The following ARHGAP10 variants were observed in gnomAD, a reference collection of about 807,000 sequenced individuals.
ARHGAP10 encodes the protein rho GTPase-activating protein 10.
A neutral mutation model predicts 108.6 loss-of-function variants in ARHGAP10; 87 were observed. That is an observed-to-expected ratio of 0.80 (90% CI 0.67 to 0.96). The LOEUF (loss-of-function observed/expected upper bound fraction) is 0.96. ARHGAP10 is among the 40% of genes least tolerant of loss of function. The pLI, the probability that ARHGAP10 is intolerant of heterozygous loss-of-function variation, is 0.00. For synonymous variants in ARHGAP10, 347 were observed against 341.1 expected (o/e 1.02, Z -0.19); for missense variants, 939 against 954.5 (o/e 0.98, Z 0.21).
At chr4:147,829,126 A>G (rs1276611416) in intron 3 of ARHGAP10, among the ~76,000 whole-genome samples, 1 of 149,944 alleles carries the variant, frequency 6.7e-6, no homozygotes, top group Admixed American at 6.6e-5. Context: ...ATCTCAGCTC[A>G]CTGCACCCCT....
Position 148,063,210 on chromosome 4 carries a change from G to T in ARHGAP10, c.2090G>T (p.Ser697Ile), listed in dbSNP as rs746173619. The change falls in exon 21 of 23, where the codon AGC (serine) becomes ATC (isoleucine). Residue 697 changes from serine to isoleucine, a missense_variant. By Grantham distance (142) the Ser-to-Ile change is moderately radical. Coordinates refer to ENST00000336498, the MANE Select transcript of ARHGAP10 (RefSeq NM_024605.4). The stretch of plus-strand genomic sequence containing the variant: ...AACCCACAGTCTCCAACCACAACAA[G>T]CTCCAACTCAGCTGTGACACCTCTT... ...WLNPQSPTTT[S>I]SNSAVTPLSP... is the part of the protein sequence containing the mutation. 1.5e-5 allele frequency: 24 copies of T among 1,614,014 alleles called. No individual in the cohort carries two copies. Among genetic ancestry groups the T allele is most frequent in the Middle Eastern group, 1.6e-4 (1 of 6,084 alleles).
At chr4:147,880,184 C>T (rs1735269087) in intron 9 of ARHGAP10, among the ~76,000 whole-genome samples, 1 of 152,186 alleles carries the variant, frequency 6.6e-6, no homozygotes, top group Non-Finnish European at 1.5e-5. Context: ...CAAAGCTTCC[C>T]ACCAATGTTG....
intron 20 of ARHGAP10, 35 bp from the exon 21 acceptor site, chr4:148,063,113 G>A (rs1466979125): frequency 6.2e-7 from 1 of 1,610,080 alleles, no homozygotes; most frequent in Non-Finnish European, 8.5e-7. Context: ...TGGCCTTTCT[G>A]CTATTAATCC....
intron 4 of ARHGAP10, among the ~76,000 whole-genome samples, chr4:147,856,201 T>C (rs144945704): frequency 5.9e-5 from 9 of 152,368 alleles, no homozygotes; most frequent in African/African-American, 2.2e-4. Flanking sequence ...TAAATGTGTA[T>C]ACTTATTTTC....
intron 1 of ARHGAP10, among the ~76,000 whole-genome samples, chr4:147,782,935 AATTAT>A (rs1436846161): frequency 7.1e-6 from 1 of 140,462 alleles, no homozygotes; most frequent in African/African-American, 2.6e-5. Context: ...TAATATATAA[AATTAT>A]ATATTATATA....
At chr4:147,898,078 T>A (rs1211194108) in intron 10 of ARHGAP10, among the ~76,000 whole-genome samples, 2 of 151,896 alleles carry the variant, frequency 1.3e-5, no homozygotes, top group South Asian at 2.1e-4. Flanking sequence ...TGGGCCATAT[T>A]TTTTTTAACA....
intron 13 of ARHGAP10, among the ~76,000 whole-genome samples, chr4:147,927,964 C>T (rs1421855342): frequency 1.3e-5 from 2 of 152,164 alleles, no homozygotes; most frequent in Non-Finnish European, 2.9e-5. Context: ...GGCCCTGTCT[C>T]GGCACTTTGC....
At position 148,025,384 on chromosome 4, in the gene ARHGAP10, G is replaced by T. The variant is rs77236889; in HGVS notation, c.1867+1971G>T. ...ACTTTGGGATTTTTTTTTTTAAGTT[G>T]TCAGAATCAGGAAAACTCTTAAGTT... On this transcript the variant is annotated intron_variant, in intron 19 of 22. Coordinates refer to ENST00000336498, the MANE Select transcript of ARHGAP10 (RefSeq NM_024605.4). Among the ~76,000 whole-genome samples the T allele has an allele frequency of 5.7e-3, 864 of 150,314 alleles. 8 individuals carry two copies. Among genetic ancestry groups the T allele is most frequent in the African/African-American group, 0.02 (838 of 41,004 alleles).
At chr4:148,015,525 C>G (rs889633911) in intron 18 of ARHGAP10, among the ~76,000 whole-genome samples, 1 of 152,142 alleles carries the variant, frequency 6.6e-6, no homozygotes, top group Non-Finnish European at 1.5e-5. Flanking sequence ...AGCCTGAACC[C>G]GACTGGTATT....
At chr4:147,948,258 T>A (rs1475480614) in intron 15 of ARHGAP10, among the ~76,000 whole-genome samples, 1 of 152,170 alleles carries the variant, frequency 6.6e-6, no homozygotes, top group East Asian at 1.9e-4. Flanking sequence ...TTCTGAAACA[T>A]CATATTACTG....
chr4:147,914,320 C>T (rs994933180), intron 13 of ARHGAP10, among the ~76,000 whole-genome samples: 1 of 151,940 alleles, frequency 6.6e-6, no homozygotes, highest in Non-Finnish European at 1.5e-5. Context: ...TGGCACCTAC[C>T]TTCCTCCTTT....
rs371799366 is a variant in ARHGAP10, at chr4:147,906,671, C to T, written c.1068C>T (p.Ser356=). 3.4e-5 allele frequency: 55 copies of T among 1,613,814 alleles called. No individual in the cohort carries two copies. Among genetic ancestry groups the T allele is most frequent in the East Asian group, 6.7e-5 (3 of 44,880 alleles). The change falls in exon 11 of 23, where the codon TCC becomes TCT. Residue 356 remains serine, a synonymous_variant. Coordinates refer to ENST00000336498, the MANE Select transcript of ARHGAP10 (RefSeq NM_024605.4). ...PGVSLTMQAF[S]EEERKQWLEA... is the part of the protein sequence containing the mutation. ...TTTCCTTGACCATGCAGGCATTTTC[C>T]GAAGAGGAAAGGAAGCAGTGGTTGG... is the stretch of plus-strand genomic sequence containing the variant.
At chr4:147,809,570 C>T (rs1197710860) in intron 1 of ARHGAP10, among the ~76,000 whole-genome samples, 1 of 152,194 alleles carries the variant, frequency 6.6e-6, no homozygotes, top group Non-Finnish European at 1.5e-5. Flanking sequence ...CCCAGAGTCA[C>T]ACAGCTGGTC....
At chr4:147,813,768 G>A (rs1428001137) in intron 1 of ARHGAP10, among the ~76,000 whole-genome samples, 4 of 152,136 alleles carry the variant, frequency 2.6e-5, no homozygotes, top group Non-Finnish European at 4.4e-5. Context: ...TGGTCTCTTC[G>A]TAATTGTATT....
intron 10 of ARHGAP10, among the ~76,000 whole-genome samples, chr4:147,904,820 A>G (rs1054972080): frequency 2.0e-5 from 3 of 152,186 alleles, no homozygotes; most frequent in Non-Finnish European, 2.9e-5. Flanking sequence ...GACTTCCACA[A>G]TGGTTGAACT....
At chr4:147,998,614 T>G (rs892805991) in intron 18 of ARHGAP10, among the ~76,000 whole-genome samples, 2 of 152,252 alleles carry the variant, frequency 1.3e-5, no homozygotes, top group Non-Finnish European at 2.9e-5. Flanking sequence ...CTTTATAACA[T>G]TGCAGTTTAG....
Position 147,912,694 on chromosome 4 carries a change from C to T in ARHGAP10, c.1163-380C>T, listed in dbSNP as rs201689268. Among the ~76,000 whole-genome samples, 7 of 102,834 alleles carry T rather than the reference C, an allele frequency of 6.8e-5. No homozygotes were observed. The East Asian group carries it at 2.2e-3, about 33-fold the overall frequency. 67.5% of individuals were successfully genotyped at this position (102,834 alleles called of 152,430 possible). On this transcript the variant is annotated intron_variant, in intron 12 of 22. Coordinates refer to ENST00000336498, the MANE Select transcript of ARHGAP10 (RefSeq NM_024605.4). ...TTGGGGAGACAGGGTATTGCTCTGT[C>T]ACCCAGTGCAGTGGTATGATCATAA...
At chr4:148,041,083 G>T (rs2149676298) in intron 19 of ARHGAP10, among the ~76,000 whole-genome samples, 1 of 152,282 alleles carries the variant, frequency 6.6e-6, no homozygotes, top group South Asian at 2.1e-4. Context: ...TGACTGTGAG[G>T]TTTGCTTAAA....
intron 19 of ARHGAP10, among the ~76,000 whole-genome samples, chr4:148,044,091 A>G (rs1230219952): frequency 6.6e-6 from 1 of 152,040 alleles, no homozygotes; most frequent in Non-Finnish European, 1.5e-5. Context: ...TACCAATGTT[A>G]TTTTCACTTG....
Sources: gnomAD v4.1 joint callset for allele counts (sites outside exome capture counted in the v4.1 genomes callset) on GRCh38, gnomAD v4.1.1 for gene constraint, MANE v1.5 for transcripts, NCBI Gene and HGNC (gene_info 2026-07-23, HGNC 2026-07-21) for gene names.